Variants in ZCCHC2 observed in about 807,000 individuals in gnomAD.
ZCCHC2 encodes zinc finger CCHC domain-containing protein 2.
Under a neutral mutation model 103.6 loss-of-function variants are expected in ZCCHC2, and 39 were observed. The observed-to-expected ratio is 0.38, with a 90% CI of 0.29 to 0.49. The LOEUF (loss-of-function observed/expected upper bound fraction) is 0.49. Ranked by LOEUF, ZCCHC2 falls within the 20% of genes least tolerant of loss-of-function variation. ZCCHC2 has a pLI of 0.96. For missense variants in ZCCHC2, 1,483 were observed against 1,491.0 expected, an observed-to-expected ratio of 0.99 and a Z score of 0.09; for synonymous variants, 687 against 608.9, an observed-to-expected ratio of 1.13 and a Z score of -1.89.
At position 62,575,305 on chromosome 18, in the gene ZCCHC2, T is replaced by G. The variant is rs377368589; in HGVS notation, c.3224T>G (p.Leu1075Arg). The change falls in exon 13 of 14, where the codon CTG becomes CGG. Residue 1075 changes from leucine to arginine, a missense_variant. Transcript: ENST00000269499. ...AATGGAAACCAACTTCCTTTTTTTC[T>G]GCCTCAGACTCCATATGCAAATGGA... ...QSNGNQLPFF[L>R]PQTPYANGLV... is the part of the protein sequence containing the mutation. The G allele has an allele frequency of 6.2e-7, 1 of 1,613,884 alleles. No individual in the cohort carries two copies. Among genetic ancestry groups the G allele is most frequent in the African/African-American group, 1.3e-5 (1 of 74,938 alleles).
At chr18:62,538,939 G>A (rs985084409) in intron 1 of ZCCHC2, among the ~76,000 whole-genome samples, 1 of 152,168 alleles carries the variant, frequency 6.6e-6, no homozygotes, top group African/African-American at 2.4e-5. Context: ...TGCACATAAA[G>A]GGAGGGGATA....
chr18:62,535,440 A>G (rs1914878070), intron 1 of ZCCHC2, among the ~76,000 whole-genome samples: 4 of 152,232 alleles, frequency 2.6e-5, no homozygotes, highest in Admixed American at 2.6e-4. Flanking sequence ...AGTGGTGTAA[A>G]ACAATGACCA....
Position 62,575,455 on chromosome 18 carries a change from C to T in ZCCHC2, c.3374C>T (p.Pro1125Leu), listed in dbSNP as rs1916802837. ...NVVANTSGSG[P>L]KKNGNVSCYN... ...GTTGCCAACACCAGTGGTTCGGGGC[C>T]CAAGAAGAATGGGAATGTCTCATGT... is the stretch of plus-strand genomic sequence containing the variant. Residue 1125 changes from proline (P) to leucine (L), a missense_variant, in exon 13 of 14, where the codon CCC becomes CTC. Pro to Leu is a moderately conservative substitution (Grantham distance 98, BLOSUM62 -3). This residue lies in a region of ZCCHC2 where 884 missense variants were observed against 907.5 expected (regional missense o/e 0.97). Transcript: ENST00000269499. The T allele has an allele frequency of 6.2e-7, 1 of 1,613,944 alleles. No homozygotes were observed. Among genetic ancestry groups the T allele is most frequent in the Non-Finnish European group, 8.5e-7 (1 of 1,179,886 alleles).
intron 5 of ZCCHC2, among the ~76,000 whole-genome samples, chr18:62,554,271 G>A (rs544755662): frequency 6.6e-6 from 1 of 152,168 alleles, no homozygotes; most frequent in Non-Finnish European, 1.5e-5. Context: ...CGGAAGAAAG[G>A]AAACTGAGAA....
chr18:62,554,553 C>T (rs1915801062), intron 5 of ZCCHC2, among the ~76,000 whole-genome samples: 1 of 152,152 alleles, frequency 6.6e-6, no homozygotes, highest in Non-Finnish European at 1.5e-5. Context: ...ATGCTGATTT[C>T]AGTCCCCGCC....
chr18:62,550,470 T>TA lies in ZCCHC2; in HGVS notation c.1313+11dup. 6.2e-7 allele frequency: 1 copy of TA among 1,603,228 alleles called. No individual in the cohort carries two copies. The highest frequency in any genetic ancestry group is 8.5e-7 in the Non-Finnish European group (1 of 1,171,918). ...TAGAGCCCATCCTAAGGTAATGATT[T>TA]ACCTGACGCCTATCATAGCAGCATA... On this transcript the variant is annotated intron_variant, in intron 5 of 13. Transcript: ENST00000269499.
At chr18:62,547,703 A>T (rs1186656798) in intron 4 of ZCCHC2, among the ~76,000 whole-genome samples, 1 of 151,996 alleles carries the variant, frequency 6.6e-6, no homozygotes, top group African/African-American at 2.4e-5. Context: ...CTGGGATTAC[A>T]GGCATGCACC....
At chr18:62,528,056 T>C (rs1452717643) in intron 1 of ZCCHC2, among the ~76,000 whole-genome samples, 1 of 152,230 alleles carries the variant, frequency 6.6e-6, no homozygotes, top group Non-Finnish European at 1.5e-5. Context: ...GTAGTGGTTA[T>C]TGATTAATAT....
chr18:62,534,422 A>C (rs1914833552), intron 1 of ZCCHC2, among the ~76,000 whole-genome samples: 1 of 152,206 alleles, frequency 6.6e-6, no homozygotes, highest in Non-Finnish European at 1.5e-5. Flanking sequence ...TAGGATGGAA[A>C]AGTCATATAT....
intron 8 of ZCCHC2, among the ~76,000 whole-genome samples, chr18:62,561,412 G>C (rs1243755045): frequency 6.6e-6 from 1 of 152,200 alleles, no homozygotes. Flanking sequence ...AAAACCGTCT[G>C]TGATTTCTTA....
intron 6 of ZCCHC2, 154 bp from the exon 7 acceptor site, chr18:62,558,533 T>A: frequency 4.1e-6 from 2 of 482,376 alleles, no homozygotes; most frequent in Non-Finnish European, 7.5e-6. Context: ...AGTCTAGTGC[T>A]TTGGGCTGTG....
intron 1 of ZCCHC2, 200 bp downstream of exon 1, chr18:62,524,563 A>C (rs945288132): frequency 1.0e-4 from 72 of 696,382 alleles, no homozygotes; most frequent in African/African-American, 1.2e-4. Flanking sequence ...CCCACCCCAC[A>C]CCCCGGCAGA....
chr18:62,558,628 A>G, intron 6 of ZCCHC2, 59 bp from the exon 7 acceptor site: 1 of 1,032,342 alleles, frequency 9.7e-7, no homozygotes, highest in Non-Finnish European at 1.4e-6. Flanking sequence ...CAATTATTAT[A>G]TTTGTTTTCT....
chr18:62,523,604 G>A lies in ZCCHC2; in HGVS notation c.180G>A (p.Pro60=). 2 of 1,100,884 alleles carry A rather than the reference G, an allele frequency of 1.8e-6. No homozygotes were observed. The highest frequency in any genetic ancestry group is 1.7e-5 in the African/African-American group (1 of 59,390). The allele number at this position is 1,100,884 out of a possible 1,614,324, so 68.2% of individuals were successfully genotyped here. Residue 60 remains proline, a synonymous_variant, in exon 1 of 14, where the codon CCG becomes CCA. Coordinates refer to ENST00000269499, the MANE Select transcript of ZCCHC2 (RefSeq NM_017742.6). ...GCCCGTCGCGGGGCCCTCTGCCGCC[G>A]CCGCCGCCGCCCCGGGGACTCGGGC... is the stretch of plus-strand genomic sequence containing the variant. ...PAGPSRGPLP[P]PPPPRGLGPP...
intron 1 of ZCCHC2, chr18:62,525,337 GA>G (rs1914333287): frequency 2.0e-5 from 1 of 49,724 alleles, no homozygotes; most frequent in African/African-American, 2.6e-4. Context: ...TTTTCCATGG[GA>G]AGGTGGGGAG....
At chr18:62,545,611 A>G (rs999976614) in intron 4 of ZCCHC2, among the ~76,000 whole-genome samples, 2 of 152,256 alleles carry the variant, frequency 1.3e-5, no homozygotes, top group Non-Finnish European at 2.9e-5. Flanking sequence ...AGTTAGAAAT[A>G]CATATCAAAA....
downstream of ZCCHC2, among the ~76,000 whole-genome samples, chr18:62,578,866 C>G (rs1568562406): frequency 6.6e-6 from 1 of 152,176 alleles, no homozygotes; most frequent in Non-Finnish European, 1.5e-5. Context: ...TCCCTGGATT[C>G]AAGCGATTCT....
At chr18:62,578,688 G>A (rs1916953734), downstream of ZCCHC2, 1 of 152,206 alleles carries the variant, frequency 6.6e-6, no homozygotes, top group Admixed American at 6.5e-5. Flanking sequence ...TGGGGTTAAG[G>A]ATCAATCCAT....
Position 62,576,701 on chromosome 18 carries a change from G to A in ZCCHC2, c.*122G>A. ...ATTTCCTAGATTTCTATGCAGTTGG[G>A]ATTTTTCATTTCTCTTGTACCAATG... On this transcript the variant is annotated 3_prime_UTR_variant, in exon 14 of 14. Coordinates refer to ENST00000269499, the MANE Select transcript of ZCCHC2 (RefSeq NM_017742.6). The A allele has an allele frequency of 1.1e-6, 1 of 940,626 alleles. No individual in the cohort carries two copies. The highest frequency in any genetic ancestry group is 1.7e-5 in the South Asian group (1 of 60,504). The allele number at this position is 940,626 out of a possible 1,614,324, so 58.3% of individuals were successfully genotyped here.
Sources: allele counts gnomAD v4.1 joint callset (sites outside exome capture counted in the v4.1 genomes callset), GRCh38; gene constraint gnomAD v4.1.1; regional missense constraint gnomAD v4.1.1; transcripts MANE v1.5; gene names NCBI Gene and HGNC (gene_info 2026-07-23, HGNC 2026-07-21).